Variants in BRAF observed in about 807,000 individuals in gnomAD.
BRAF encodes serine/threonine-protein kinase B-raf.
A neutral mutation model predicts 104.6 loss-of-function variants in BRAF; 16 were observed. The observed-to-expected ratio is 0.15, with a 90% CI of 0.10 to 0.23. BRAF has a LOEUF of 0.23. BRAF is among the 10% of genes least tolerant of loss of function. The pLI is 1.00. For missense variants in BRAF, 541 were observed against 937.3 expected, an observed-to-expected ratio of 0.58 and a Z score of 5.52; for synonymous variants, 310 against 341.6, an observed-to-expected ratio of 0.91 and a Z score of 1.02.
chr7:140,880,415 C>T (rs1563013403), intron 1 of BRAF, among the ~76,000 whole-genome samples: 2 of 146,888 alleles, frequency 1.4e-5, no homozygotes, highest in South Asian at 2.1e-4. Context: ...CTACCACACC[C>T]GCAATTCCTT....
intron 1 of BRAF, among the ~76,000 whole-genome samples, chr7:140,908,825 C>T (rs1816627538): frequency 6.6e-6 from 1 of 150,902 alleles, no homozygotes; most frequent in South Asian, 2.1e-4. Flanking sequence ...GTCCTCTTCA[C>T]CCCAATGGTC....
intron 3 of BRAF, among the ~76,000 whole-genome samples, chr7:140,826,261 C>G (rs1461730268): frequency 6.6e-6 from 1 of 152,176 alleles, no homozygotes; most frequent in African/African-American, 2.4e-5. Context: ...TTGCTACATC[C>G]TCAAATGAGT....
intron 1 of BRAF, among the ~76,000 whole-genome samples, chr7:140,883,309 C>A (rs1051335158): frequency 2.6e-5 from 4 of 152,160 alleles, no homozygotes; most frequent in African/African-American, 4.8e-5. Flanking sequence ...ATGTTCTCCC[C>A]ACAGGGCAAT....
intron 17 of BRAF, among the ~76,000 whole-genome samples, chr7:140,746,047 C>G (rs770230242): frequency 6.6e-6 from 1 of 152,178 alleles, no homozygotes; most frequent in Non-Finnish European, 1.5e-5. Context: ...CCCCGTAAAT[C>G]TACTCTAGTC....
chr7:140,875,514 T>C (rs1812133129), intron 1 of BRAF, among the ~76,000 whole-genome samples: 1 of 152,190 alleles, frequency 6.6e-6, no homozygotes, highest in African/African-American at 2.4e-5. Flanking sequence ...AAGCTGGGAT[T>C]ATAGGTGCCC....
rs141966042 is a variant in BRAF, at chr7:140,904,290, A to G, written c.138+20276T>C. ...ACCAGCAGCCATCAACATCGAGGCA[A>G]GACCATCCACAGCAAAACAATTATG... On this transcript the variant is annotated intron_variant, in intron 1 of 19. Transcript: ENST00000644969. Among the ~76,000 whole-genome samples, 248 of 152,334 alleles carry G rather than the reference A, an allele frequency of 1.6e-3. 3 individuals are homozygous for G. Among genetic ancestry groups the G allele is most frequent in the African/African-American group, 5.8e-3 (240 of 41,558 alleles).
intron 12 of BRAF, among the ~76,000 whole-genome samples, chr7:140,778,899 A>G (rs1800579933): frequency 6.6e-6 from 1 of 152,134 alleles, no homozygotes; most frequent in African/African-American, 2.4e-5. Context: ...ATACCCATCA[A>G]TGGTTACATG....
At chr7:140,817,354 A>AATATTGCTAAAGTGTCC (rs1452889959) in intron 3 of BRAF, among the ~76,000 whole-genome samples, 1 of 152,234 alleles carries the variant, frequency 6.6e-6, no homozygotes, top group African/African-American at 2.4e-5. Context: ...TGGAAGAATC[A>AATATTGCTAAAGTGTCC]ATATTGCTAA....
rs183923001 is a variant in BRAF at position 140,796,699 on chromosome 7, T to A, written c.981-2232A>T. Among the ~76,000 whole-genome samples the A allele has an allele frequency of 2.4e-4, 37 of 152,284 alleles. No homozygotes were observed. The East Asian group carries it at 6.9e-3, about 29-fold the overall frequency. On this transcript the variant is annotated intron_variant, in intron 7 of 19. Transcript: ENST00000644969. ...AATAGTTGTGTCTTGGTCCACCAAG[T>A]CAACTTCTCTAGCTTTCAGGGCAAG...
chr7:140,895,643 CT>C (rs950477520), intron 1 of BRAF, among the ~76,000 whole-genome samples: 1 of 152,178 alleles, frequency 6.6e-6, no homozygotes, highest in Non-Finnish European at 1.5e-5. Flanking sequence ...GAAATCAACT[CT>C]TTTTAGCTTC....
At chr7:140,770,576 T>A (rs921449700) in intron 14 of BRAF, among the ~76,000 whole-genome samples, 1 of 149,200 alleles carries the variant, frequency 6.7e-6, no homozygotes, top group African/African-American at 2.5e-5. Flanking sequence ...TCCTGGAATT[T>A]CTTTAGTAAC....
intron 9 of BRAF, among the ~76,000 whole-genome samples, chr7:140,787,166 T>G (rs1801450512): frequency 2.0e-5 from 3 of 151,554 alleles, no homozygotes; most frequent in South Asian, 4.2e-4. Flanking sequence ...CCGGGCGTGG[T>G]AGCAGGCGCC....
Position 140,904,781 on chromosome 7 carries a change from A to G in BRAF, c.138+19785T>C, listed in dbSNP as rs973526631. Among the ~76,000 whole-genome samples the G allele has an allele frequency of 4.6e-5, 7 of 152,034 alleles. No individual in the cohort carries two copies. The East Asian group carries it at 9.7e-4, about 21-fold the overall frequency. On this transcript the variant is annotated intron_variant, in intron 1 of 19. Coordinates refer to ENST00000644969, the MANE Select transcript of BRAF (RefSeq NM_001374258.1). ...GCACCACCACGCCCAGCTAATTTTT[A>G]TATTTTTAGTAGAGACGGGGTTTCA...
At chr7:140,793,148 C>T (rs1802151485) in intron 8 of BRAF, among the ~76,000 whole-genome samples, 1 of 152,146 alleles carries the variant, frequency 6.6e-6, no homozygotes. Flanking sequence ...AAAGATGACA[C>T]TCTAAATGAA....
chr7:140,732,630 C>T (rs1394040574), intron 19 of BRAF: 1 of 152,060 alleles, frequency 6.6e-6, no homozygotes, highest in Non-Finnish European at 1.5e-5. Context: ...CAGAGCTTAG[C>T]CACACCCATC....
intron 7 of BRAF, among the ~76,000 whole-genome samples, chr7:140,794,944 C>T (rs952415493): frequency 6.6e-6 from 1 of 152,050 alleles, no homozygotes; most frequent in Non-Finnish European, 1.5e-5. Flanking sequence ...GTACTTGTTC[C>T]TTTACAGGAG....
At chr7:140,893,871 G>A (rs566136946) in intron 1 of BRAF, among the ~76,000 whole-genome samples, 13 of 152,152 alleles carry the variant, frequency 8.5e-5, no homozygotes, top group Non-Finnish European at 1.9e-4. Context: ...TGGGAGATGA[G>A]GCAGGAGGCA....
rs1024081529 is a variant in BRAF, at chr7:140,722,308, C to A, written c.*4186G>T. Reference sequence around the variant, plus strand: ...GGCTATAAACTCTTTAGTGCATTTACCTATGCAGTCTAAATTGCACTCTAA... The same window carrying A: ...GGCTATAAACTCTTTAGTGCATTTAACTATGCAGTCTAAATTGCACTCTAA... On this transcript the variant is annotated 3_prime_UTR_variant, in exon 20 of 20. Transcript: ENST00000644969. 3 of 1,052,612 alleles carry A rather than the reference C, an allele frequency of 2.9e-6. No homozygotes were observed. Among genetic ancestry groups the A allele is most frequent in the Admixed American group, 5.4e-5 (1 of 18,386 alleles). 65.2% of individuals were successfully genotyped at this position (1,052,612 alleles called of 1,614,324 possible).
chr7:140,781,264 T>C (rs1800843976), intron 12 of BRAF: 1 of 371,632 alleles, frequency 2.7e-6, no homozygotes, highest in African/African-American at 2.1e-5. Context: ...TACTTGTGAC[T>C]TATAATACAA....
Sources: gnomAD v4.1 joint callset for allele counts (sites outside exome capture counted in the v4.1 genomes callset) on GRCh38, gnomAD v4.1.1 for gene constraint, MANE v1.5 for transcripts, NCBI Gene and HGNC (gene_info 2026-07-23, HGNC 2026-07-21) for gene names.